The following MED12L variants were observed in gnomAD, a reference collection of about 807,000 sequenced individuals.
The protein encoded by MED12L is mediator of RNA polymerase II transcription subunit 12-like protein.
A neutral mutation model predicts 281.3 loss-of-function variants in MED12L; 60 were observed. That is an observed-to-expected ratio of 0.21 (90% confidence interval 0.17 to 0.26). MED12L has a LOEUF of 0.26. Among genes scored for constraint, MED12L ranks in the 10% least tolerant of loss-of-function variants. The pLI is 1.00. For missense variants in MED12L, 2,146 were observed against 2,680.9 expected (o/e 0.80, Z 4.41); for synonymous variants, 974 against 987.2 (o/e 0.99, Z 0.25).
chr3:151,368,432 A>G (rs1473720879), intron 25 of MED12L, among the ~76,000 whole-genome samples, 181 bp downstream of exon 25: 1 of 152,046 alleles, frequency 6.6e-6, no homozygotes, highest in Non-Finnish European at 1.5e-5. Flanking sequence ...TATCTGTGTA[A>G]TATCAGGATA....
At chr3:151,288,215 G>C (rs907649648) in intron 16 of MED12L, among the ~76,000 whole-genome samples, 2 of 152,246 alleles carry the variant, frequency 1.3e-5, no homozygotes, top group Non-Finnish European at 2.9e-5. Flanking sequence ...AGCATGCAAA[G>C]TATGAGGCAC....
chr3:151,115,360 T>C (rs1450833306), intron 2 of MED12L, among the ~76,000 whole-genome samples: 2 of 84,602 alleles, frequency 2.4e-5, no homozygotes, highest in Non-Finnish European at 4.1e-5. Flanking sequence ...TTTTTTTTTT[T>C]TTTTTTGAGA....
At chr3:151,368,671 T>TG (rs2107966475) in intron 25 of MED12L, among the ~76,000 whole-genome samples, 2 of 77,624 alleles carry the variant, frequency 2.6e-5, no homozygotes, top group East Asian at 7.0e-4. Context: ...TTTCATTTCA[T>TG]TTCATGTCAT....
At chr3:151,372,281 C>G (rs1252401371) in intron 26 of MED12L, among the ~76,000 whole-genome samples, 2 of 152,118 alleles carry the variant, frequency 1.3e-5, no homozygotes, top group Non-Finnish European at 2.9e-5. Flanking sequence ...TCTCTGATTA[C>G]TTAGTGTGAT....
chr3:151,229,297 C>T (rs1175204903), intron 16 of MED12L, among the ~76,000 whole-genome samples: 2 of 146,456 alleles, frequency 1.4e-5, no homozygotes, highest in Non-Finnish European at 3.0e-5. Flanking sequence ...CTTATAAATT[C>T]AGCAATTCTT....
intron 16 of MED12L, among the ~76,000 whole-genome samples, chr3:151,313,028 T>C (rs939719140): frequency 6.6e-6 from 1 of 152,228 alleles, no homozygotes; most frequent in Non-Finnish European, 1.5e-5. Flanking sequence ...TACAATATAC[T>C]TGGGCTATTT....
intron 39 of MED12L, among the ~76,000 whole-genome samples, chr3:151,405,092 AAGAG>A: frequency 6.6e-6 from 1 of 152,386 alleles, no homozygotes; most frequent in South Asian, 2.1e-4. Context: ...ATACAGCAGT[AAGAG>A]AGAGAACTCT....
intron 2 of MED12L, among the ~76,000 whole-genome samples, chr3:151,090,003 GCTTCAGGGTGA>G (rs1301923817): frequency 6.6e-6 from 1 of 152,016 alleles, no homozygotes; most frequent in Non-Finnish European, 1.5e-5. Context: ...CTCCCTTCTG[GCTTCAGGGTGA>G]CTTCTCTTCC....
chr3:151,253,716 C>T (rs897537267), intron 16 of MED12L, among the ~76,000 whole-genome samples: 4 of 152,008 alleles, frequency 2.6e-5, no homozygotes, highest in Admixed American at 6.6e-5. Flanking sequence ...AGTCATTTGG[C>T]TTGTCTGGGG....
intron 2 of MED12L, among the ~76,000 whole-genome samples, chr3:151,089,339 T>TC (rs1201933973): frequency 1.3e-5 from 2 of 152,026 alleles, no homozygotes; most frequent in African/African-American, 4.8e-5. Flanking sequence ...ACAGTTGTGT[T>TC]CCATTAGAGA....
At chr3:151,355,336 G>T in intron 18 of MED12L, 97 bp downstream of exon 18, 1 of 726,750 alleles carries the variant, frequency 1.4e-6, no homozygotes, top group South Asian at 1.9e-5. Context: ...AATGGTTTTA[G>T]ACATATATTT....
chr3:151,236,174 A>G (rs549348947), intron 16 of MED12L, among the ~76,000 whole-genome samples: 1 of 152,208 alleles, frequency 6.6e-6, no homozygotes, highest in African/African-American at 2.4e-5. Context: ...TTAGAAGCTC[A>G]ATGAATATTT....
chr3:151,184,306 G>A (rs775424610), intron 11 of MED12L, among the ~76,000 whole-genome samples: 10 of 152,176 alleles, frequency 6.6e-5, no homozygotes, highest in East Asian at 1.9e-4. Context: ...CAGACATTCC[G>A]AAATGTGCTA....
chr3:151,307,541 G>C (rs1746851077), intron 16 of MED12L, among the ~76,000 whole-genome samples: 1 of 6,040 alleles, frequency 1.7e-4, no homozygotes, highest in Admixed American at 2.3e-3. Flanking sequence ...CTCTGTGTGT[G>C]TGTGTGTGTG....
At chr3:151,311,947 C>T (rs528168460) in intron 16 of MED12L, among the ~76,000 whole-genome samples, 1 of 151,982 alleles carries the variant, frequency 6.6e-6, no homozygotes, top group East Asian at 2.0e-4. Context: ...TTGTTCGAAC[C>T]TGGGAGGCGG....
At chr3:151,293,035 G>C (rs1453050154) in intron 16 of MED12L, among the ~76,000 whole-genome samples, 2 of 152,152 alleles carry the variant, frequency 1.3e-5, no homozygotes, top group Non-Finnish European at 2.9e-5. Context: ...TTGATGGACA[G>C]ATATTTTGAT....
chr3:151,354,396 A>G (rs1355601953), intron 17 of MED12L, among the ~76,000 whole-genome samples: 1 of 152,108 alleles, frequency 6.6e-6, no homozygotes, highest in Non-Finnish European at 1.5e-5. Context: ...TAAACATGTC[A>G]CTTCTTCATT....
At chr3:151,215,740 A>G (rs1728088134) in intron 16 of MED12L, among the ~76,000 whole-genome samples, 1 of 152,220 alleles carries the variant, frequency 6.6e-6, no homozygotes, top group Non-Finnish European at 1.5e-5. Context: ...ACCCTTTAGT[A>G]GTCTGTCCTT....
chr3:151,331,631 A>C lies in MED12L; in HGVS notation c.2251-18428A>C, dbSNP rs543064740. 9.2e-5 allele frequency among the ~76,000 whole-genome samples: 14 copies of C among 152,342 alleles called. No homozygotes were observed. The East Asian group carries it at 2.5e-3, about 27-fold the overall frequency. ...GTCTCACGAAAGGAGAGAAGAATCA[A>C]AGAAGATACAGTGAAAGATCCCAGA... On this transcript the variant is annotated intron_variant, in intron 16 of 44. Transcript: ENST00000687756.
Sources: gnomAD v4.1 joint callset for allele counts (sites outside exome capture counted in the v4.1 genomes callset) on GRCh38, gnomAD v4.1.1 for gene constraint, MANE v1.5 for transcripts, NCBI Gene and HGNC (gene_info 2026-07-23, HGNC 2026-07-21) for gene names.